Variants in SERPINB10 observed in about 807,000 individuals in gnomAD.
SERPINB10 encodes the protein serpin family B member 10.
A neutral mutation model predicts 39.1 loss-of-function variants in SERPINB10; 35 were observed. That is an observed-to-expected ratio of 0.90 (90% CI 0.68 to 1.19). The LOEUF (loss-of-function observed/expected upper bound fraction) is 1.19, where lower values mean the gene tolerates loss of function less well. Ranked by LOEUF, SERPINB10 falls within the 50% of genes most tolerant of loss-of-function variation. The pLI is 0.00. For missense variants in SERPINB10, 546 were observed against 460.5 expected, an observed-to-expected ratio of 1.19 and a Z score of -1.70; for synonymous variants, 190 against 158.1, an observed-to-expected ratio of 1.20 and a Z score of -1.52.
chr18:63,929,165 G>C (rs568717319), intron 5 of SERPINB10, among the ~76,000 whole-genome samples: 1 of 151,982 alleles, frequency 6.6e-6, no homozygotes, highest in African/African-American at 2.4e-5. Context: ...TCTAATTACA[G>C]CTTTCCACCT....
chr18:63,923,817 A>G lies in SERPINB10; in HGVS notation c.490+3912A>G, dbSNP rs186492727. On this transcript the variant is annotated intron_variant, in intron 5 of 7. Coordinates refer to ENST00000238508, the MANE Select transcript of SERPINB10 (RefSeq NM_005024.3). ...CTGCTTTGATTTTCCATTTATATTTACTTTTCATTGCTTTGCCCTTCTGTT... is the reference window on the plus strand; with the variant it reads ...CTGCTTTGATTTTCCATTTATATTTGCTTTTCATTGCTTTGCCCTTCTGTT... Among the ~76,000 whole-genome samples the G allele has an allele frequency of 5.9e-5, 9 of 151,888 alleles. No homozygotes were observed. In the East Asian group the frequency reaches 1.8e-3, roughly 30 times the overall value.
intron 4 of SERPINB10, 114 bp downstream of exon 4, chr18:63,918,216 A>T (rs951691577): frequency 3.7e-6 from 4 of 1,072,824 alleles, no homozygotes; most frequent in Non-Finnish European, 5.4e-6. Flanking sequence ...TGTGGTCAGT[A>T]CTTCCCTGCA....
At chr18:63,929,406 A>G (rs1054051586) in intron 5 of SERPINB10, among the ~76,000 whole-genome samples, 2 of 152,038 alleles carry the variant, frequency 1.3e-5, no homozygotes, top group Non-Finnish European at 2.9e-5. Flanking sequence ...TTATTGAGCA[A>G]TTTTACAGAT....
intron 5 of SERPINB10, among the ~76,000 whole-genome samples, chr18:63,926,505 A>G (rs895484045): frequency 5.3e-5 from 8 of 152,010 alleles, no homozygotes; most frequent in African/African-American, 1.9e-4. Context: ...GGGGGACACA[A>G]TTCAACCCAC....
At position 63,935,239 on chromosome 18, in the gene SERPINB10, C is replaced by T. The variant is rs781051144; in HGVS notation, c.1191C>T (p.Pro397=). ...TILFYGRLCS[P] ...TTTTTTATGGAAGATTATGCTCCCC[C>T]TAAATCCTGCATATCTCTCAACAAA... Residue 397 remains proline, a synonymous_variant, in exon 8 of 8, where the codon CCC becomes CCT. Transcript: ENST00000238508. 1 of 1,572,396 alleles carries T rather than the reference C, an allele frequency of 6.4e-7. No individual in the cohort carries two copies. The highest frequency in any genetic ancestry group is 8.6e-7 in the Non-Finnish European group (1 of 1,161,814).
chr18:63,925,622 T>C (rs1316350371), intron 5 of SERPINB10, among the ~76,000 whole-genome samples: 2 of 152,100 alleles, frequency 1.3e-5, no homozygotes, highest in East Asian at 3.9e-4. Context: ...CAAATACCCA[T>C]GAGTCTATAC....
At chr18:63,926,641 G>T in intron 5 of SERPINB10, among the ~76,000 whole-genome samples, 1 of 151,900 alleles carries the variant, frequency 6.6e-6, no homozygotes, top group Non-Finnish European at 1.5e-5. Flanking sequence ...AAGGTGTCAA[G>T]GTCATGAAAG....
intron 4 of SERPINB10, among the ~76,000 whole-genome samples, chr18:63,919,573 C>G (rs577460500): frequency 6.4e-4 from 97 of 152,024 alleles, no homozygotes; most frequent in African/African-American, 2.1e-3. Context: ...CCTTCCACAG[C>G]TGGAGCTCTG....
At chr18:63,908,368 C>T (rs1187185555) in intron 1 of SERPINB10, among the ~76,000 whole-genome samples, 1 of 152,064 alleles carries the variant, frequency 6.6e-6, no homozygotes, top group East Asian at 1.9e-4. Flanking sequence ...CCTCCAGTCA[C>T]ATTTATGTAT....
intron 5 of SERPINB10, among the ~76,000 whole-genome samples, chr18:63,925,834 A>G (rs983764404): frequency 6.6e-6 from 1 of 152,002 alleles, no homozygotes; most frequent in African/African-American, 2.4e-5. Context: ...GGGAAACAGT[A>G]TATTACACGC....
intron 1 of SERPINB10, among the ~76,000 whole-genome samples, chr18:63,908,685 G>T (rs2050042845): frequency 6.6e-6 from 1 of 151,922 alleles, no homozygotes; most frequent in Non-Finnish European, 1.5e-5. Context: ...TTCTAAAAAA[G>T]GCCTTAGGTG....
rs778012185 is a variant in SERPINB10 at position 63,930,102 on chromosome 18, T to C, written c.548T>C (p.Leu183Pro). ...DSVDSTTRMI[L>P]VNALYFKGIW... ...GTGGATTCCACAACCAGGATGATTCTGGTGAACGCCCTATACTTTAAAGGA... is the reference window on the plus strand; with the variant it reads ...GTGGATTCCACAACCAGGATGATTCCGGTGAACGCCCTATACTTTAAAGGA... Residue 183 changes from leucine to proline, a missense_variant, in exon 6 of 8, where the codon CTG (leucine) becomes CCG (proline). Physicochemically the swap from Leu to Pro is moderately conservative, Grantham distance 98. Coordinates refer to ENST00000238508, the MANE Select transcript of SERPINB10 (RefSeq NM_005024.3). The C allele has an allele frequency of 6.8e-6, 11 of 1,613,638 alleles. No homozygotes were observed. The highest frequency in any genetic ancestry group is 9.3e-6 in the Non-Finnish European group (11 of 1,179,706).
In SERPINB10 at chr18:63,934,896, A is replaced by G; in HGVS notation, c.848A>G (p.Glu283Gly). Residue 283 changes from glutamate (E) to glycine (G), a missense_variant, in exon 8 of 8, where the codon GAG becomes GGG. Coordinates refer to ENST00000238508, the MANE Select transcript of SERPINB10 (RefSeq NM_005024.3). ...GAGTGGACCAGTGCAGACATGATGG[A>G]GTTGTATGAAGTGCAGCTACACCTT... is the stretch of plus-strand genomic sequence containing the variant. ...LNEWTSADMM[E>G]LYEVQLHLPK... 1 of 1,614,154 alleles carries G rather than the reference A, an allele frequency of 6.2e-7. No individual in the cohort carries two copies. The highest frequency in any genetic ancestry group is 8.5e-7 in the Non-Finnish European group (1 of 1,180,004).
intron 1 of SERPINB10, among the ~76,000 whole-genome samples, chr18:63,912,733 A>G (rs982263889): frequency 2.6e-5 from 4 of 151,894 alleles, no homozygotes; most frequent in Non-Finnish European, 5.9e-5. Flanking sequence ...ATTTGCCTAT[A>G]GGTTTCTTCT....
Position 63,930,195 on chromosome 18 carries a change from AT to A in SERPINB10, c.633+13del. ...CCTTTTAGAATAAACGAGGTAGGAA[AT>A]TTTTAAAGATCAGTTTGGATTTTCA... On this transcript the variant is annotated intron_variant, in intron 6 of 7. Coordinates refer to ENST00000238508, the MANE Select transcript of SERPINB10 (RefSeq NM_005024.3). 6.2e-7 allele frequency: 1 copy of A among 1,611,572 alleles called. No homozygotes were observed. Among genetic ancestry groups the A allele is most frequent in the Non-Finnish European group, 8.5e-7 (1 of 1,178,998 alleles).
intron 1 of SERPINB10, among the ~76,000 whole-genome samples, chr18:63,914,416 T>C (rs922030798): frequency 2.0e-5 from 3 of 152,108 alleles, no homozygotes; most frequent in Non-Finnish European, 4.4e-5. Flanking sequence ...TTTTAAAACT[T>C]CCTTAAGGAT....
intron 1 of SERPINB10, among the ~76,000 whole-genome samples, chr18:63,912,749 T>A (rs2050073693): frequency 6.6e-6 from 1 of 152,122 alleles, no homozygotes; most frequent in Admixed American, 6.6e-5. Context: ...CTTCTTCTAT[T>A]GTGTTTTTTC....
intron 1 of SERPINB10, among the ~76,000 whole-genome samples, chr18:63,914,761 A>G (rs1019597504): frequency 1.3e-5 from 2 of 151,926 alleles, no homozygotes; most frequent in African/African-American, 2.4e-5. Context: ...GGCACCTGTC[A>G]TTTTCAGGCC....
chr18:63,920,741 C>A (rs2050140839), intron 5 of SERPINB10, among the ~76,000 whole-genome samples: 1 of 151,924 alleles, frequency 6.6e-6, no homozygotes, highest in Non-Finnish European at 1.5e-5. Flanking sequence ...GTTTTAGGAT[C>A]AAAAAGCCCC....
Sources: gnomAD v4.1 joint callset for allele counts (sites outside exome capture counted in the v4.1 genomes callset) on GRCh38, gnomAD v4.1.1 for gene constraint, MANE v1.5 for transcripts, NCBI Gene and HGNC (gene_info 2026-07-23, HGNC 2026-07-21) for gene names.